BCAS3: variants seen among roughly 807,000 people sequenced by gnomAD.
BCAS3 encodes the protein BCAS4/BCAS3 fusion.
A neutral mutation model predicts 116.1 loss-of-function variants in BCAS3; 53 were observed. The ratio of observed to expected loss-of-function variants is 0.46; its 90% CI spans 0.37 to 0.57. BCAS3 has a LOEUF of 0.57. BCAS3 is among the 20% of genes least tolerant of loss of function. The pLI is 0.00. For missense variants in BCAS3, 917 were observed against 1,165.4 expected, an observed-to-expected ratio of 0.79 and a Z score of 3.10; for synonymous variants, 391 against 408.2, an observed-to-expected ratio of 0.96 and a Z score of 0.51.
chr17:60,831,067 G>T (rs1443546071), intron 7 of BCAS3, among the ~76,000 whole-genome samples: 1 of 151,910 alleles, frequency 6.6e-6, no homozygotes. Context: ...GCCTAGGCTG[G>T]TCTCGAACTC....
At chr17:60,768,347 C>G (rs1262643608) in intron 6 of BCAS3, among the ~76,000 whole-genome samples, 1 of 152,168 alleles carries the variant, frequency 6.6e-6, no homozygotes, top group African/African-American at 2.4e-5. Context: ...CACCCTTAAT[C>G]TGGATGGACA....
chr17:60,990,334 T>A lies in BCAS3; in HGVS notation c.1486+99T>A. 1 of 1,304,182 alleles carries A rather than the reference T, an allele frequency of 7.7e-7. No homozygotes were observed. The allele number at this position is 1,304,182 out of a possible 1,614,324, so 80.8% of individuals were successfully genotyped here. A position where few individuals can be genotyped will look rare whatever the true frequency, so the allele number is the denominator to read the frequency against. ...AACTAAACTTGTTATAGTCTGTTCA[T>A]GTAAAAAGAAGATCTTAGGCTTATA... On this transcript the variant is annotated intron_variant, in intron 15 of 23. Transcript: ENST00000407086. The surrounding 1 kb of genome is among the most constrained non-coding windows in gnomAD (Gnocchi z 5.1).
chr17:61,382,498 G>A (rs1603206173), intron 23 of BCAS3, among the ~76,000 whole-genome samples: 1 of 151,766 alleles, frequency 6.6e-6, no homozygotes, highest in East Asian at 2.0e-4. Flanking sequence ...CTGACCTCAG[G>A]TGATCCACCC....
chr17:60,944,149 G>T (rs2060363575), intron 13 of BCAS3, among the ~76,000 whole-genome samples: 1 of 151,740 alleles, frequency 6.6e-6, no homozygotes, highest in Non-Finnish European at 1.5e-5. Context: ...AGAAATCAGT[G>T]AAATTGAAAA....
intron 22 of BCAS3, among the ~76,000 whole-genome samples, chr17:61,342,672 A>C (rs1008138093): frequency 6.6e-6 from 1 of 152,060 alleles, no homozygotes; most frequent in Non-Finnish European, 1.5e-5. Flanking sequence ...GCAGACAGAG[A>C]TGTGCACCAC....
intron 22 of BCAS3, among the ~76,000 whole-genome samples, chr17:61,193,976 G>A (rs1328527229): frequency 6.6e-6 from 1 of 151,544 alleles, no homozygotes; most frequent in Non-Finnish European, 1.5e-5. Context: ...AATTTGCCGG[G>A]CCTGGTGGTG....
At chr17:60,759,458 T>C (rs905796023) in intron 6 of BCAS3, among the ~76,000 whole-genome samples, 2 of 152,186 alleles carry the variant, frequency 1.3e-5, no homozygotes, top group Admixed American at 6.5e-5. Flanking sequence ...TGTTTAATGC[T>C]GAGAGTGGGG....
At chr17:60,839,310 T>G (rs2051668897) in intron 7 of BCAS3, among the ~76,000 whole-genome samples, 1 of 152,190 alleles carries the variant, frequency 6.6e-6, no homozygotes, top group Admixed American at 6.5e-5. Flanking sequence ...TAAAGGAAAC[T>G]TACTTTCTTT....
chr17:60,859,220 G>T (rs569406049), intron 7 of BCAS3, among the ~76,000 whole-genome samples: 2 of 152,194 alleles, frequency 1.3e-5, no homozygotes, highest in Non-Finnish European at 2.9e-5. Flanking sequence ...GGTTCTGGGG[G>T]TACGTGTTCA....
intron 6 of BCAS3, among the ~76,000 whole-genome samples, chr17:60,758,021 CT>C (rs1568182135): frequency 2.6e-5 from 4 of 152,166 alleles, no homozygotes; most frequent in South Asian, 4.2e-4. Flanking sequence ...GGTCTTTTCC[CT>C]TGTGTATATT....
intron 3 of BCAS3, among the ~76,000 whole-genome samples, chr17:60,685,875 CA>C (rs946787611): frequency 9.8e-4 from 149 of 151,660 alleles, no homozygotes; most frequent in African/African-American, 3.2e-3. Context: ...TTATATTAGA[CA>C]TTTTTTTTTT....
At chr17:61,297,797 T>C (rs1013895392) in intron 22 of BCAS3, among the ~76,000 whole-genome samples, 8 of 152,326 alleles carry the variant, frequency 5.3e-5, no homozygotes, top group Middle Eastern at 6.8e-3. Context: ...ACAGCTATGC[T>C]CTCAACGGTA....
At chr17:61,190,451 C>T (rs192950501) in intron 22 of BCAS3, among the ~76,000 whole-genome samples, 42 of 122,880 alleles carry the variant, frequency 3.4e-4, no homozygotes, top group Admixed American at 2.6e-3. Context: ...CGCTTGAACC[C>T]GGGAGGCAGA....
Position 61,243,049 on chromosome 17 carries a change from C to T in BCAS3, c.2426-125278C>T, listed in dbSNP as rs112618465. 1.2e-4 allele frequency among the ~76,000 whole-genome samples: 19 copies of T among 152,006 alleles called. No homozygotes were observed. The highest frequency in any genetic ancestry group is 4.6e-4 in the African/African-American group (19 of 41,456). On this transcript the variant is annotated intron_variant, in intron 22 of 23. Coordinates refer to ENST00000407086, the MANE Select transcript of BCAS3 (RefSeq NM_017679.5). The surrounding 1 kb of genome is among the most constrained non-coding windows in gnomAD (Gnocchi z 5.6). ...GCCTCAGCCTCCCAAGTAGCTGGGA[C>T]TACAGGCGCGCACCACCACACCCAT...
At chr17:61,165,231 C>G (rs1235181546) in intron 22 of BCAS3, among the ~76,000 whole-genome samples, 2 of 152,190 alleles carry the variant, frequency 1.3e-5, no homozygotes, top group Non-Finnish European at 2.9e-5. Context: ...CCAAAAGGAG[C>G]CTTGGGATCC....
chr17:61,017,004 A>C lies in BCAS3; in HGVS notation c.1637+1103A>C, dbSNP rs574422589. ...GTTGCTGCATGCAGACATAAAATTG[A>C]GTCTGTGGCATTTGCTGTGTTTTTC... On this transcript the variant is annotated intron_variant, in intron 16 of 23. Coordinates refer to ENST00000407086, the MANE Select transcript of BCAS3 (RefSeq NM_017679.5). This position sits in a 1 kb window ranked among gnomAD's most constrained non-coding sequence, Gnocchi z 4.7. 6.6e-6 allele frequency: 1 copy of C among 152,284 alleles called. No homozygotes were observed. Among genetic ancestry groups the C allele is most frequent in the African/African-American group, 2.4e-5 (1 of 41,566 alleles). The allele number at this position is 152,284 out of a possible 1,614,324, so 9.4% of individuals were successfully genotyped here.
At chr17:60,768,803 C>G (rs2044363967) in intron 6 of BCAS3, among the ~76,000 whole-genome samples, 1 of 152,128 alleles carries the variant, frequency 6.6e-6, no homozygotes, top group Non-Finnish European at 1.5e-5. Flanking sequence ...TGCACTGGCA[C>G]CAGTGTCAGC....
chr17:61,240,689 T>G (rs907667300), intron 22 of BCAS3, among the ~76,000 whole-genome samples: 1 of 152,242 alleles, frequency 6.6e-6, no homozygotes, highest in African/African-American at 2.4e-5. Context: ...TAGCTGACAT[T>G]TATCTGAGAC....
intron 6 of BCAS3, among the ~76,000 whole-genome samples, chr17:60,769,771 T>A (rs965754638): frequency 7.2e-5 from 11 of 152,056 alleles, no homozygotes; most frequent in African/African-American, 2.7e-4. Flanking sequence ...TTAATTTTTT[T>A]TAATTTTTTT....
Sources: allele counts gnomAD v4.1 joint callset (sites outside exome capture counted in the v4.1 genomes callset), GRCh38; gene constraint gnomAD v4.1.1; non-coding constraint Gnocchi (gnomAD v3.1); transcripts MANE v1.5; gene names NCBI Gene and HGNC (gene_info 2026-07-23, HGNC 2026-07-21).